IRAG1: variants seen among roughly 807,000 people sequenced by gnomAD.
The protein encoded by IRAG1 is inositol 1,4,5-triphosphate receptor associated 1, also known as IP3R-associated cGMP kinase substrate.
Under a neutral mutation model 106.2 loss-of-function variants are expected in IRAG1, and 62 were observed. The ratio of observed to expected loss-of-function variants is 0.58; its 90% confidence interval spans 0.48 to 0.72. IRAG1 has a LOEUF of 0.72. Among genes scored for constraint, IRAG1 ranks in the 30% least tolerant of loss-of-function variants. The pLI is 0.00. For synonymous variants in IRAG1, 462 were observed against 443.9 expected (o/e 1.04, Z -0.51); for missense variants, 1,064 against 1,140.7 (o/e 0.93, Z 0.97).
Position 10,691,639 on chromosome 11 carries a change from T to C in IRAG1, c.67+1897A>G, listed in dbSNP as rs558156752. Among the ~76,000 whole-genome samples the C allele has an allele frequency of 2.0e-5, 3 of 152,254 alleles. No homozygotes were observed. The East Asian group carries it at 5.8e-4, about 29-fold the overall frequency. ...TGGCTGGGTGAGCTTGGACGAGTCA[T>C]TTAACATCCCCTAGCCCCACTGTCC... On this transcript the variant is annotated intron_variant, in intron 1 of 20. Coordinates refer to ENST00000423302, the MANE Select transcript of IRAG1 (RefSeq NM_130385.4).
At chr11:10,684,170 C>A (rs188245889) in intron 1 of IRAG1, among the ~76,000 whole-genome samples, 41 of 152,114 alleles carry the variant, frequency 2.7e-4, no homozygotes, top group African/African-American at 9.2e-4. Flanking sequence ...ATGTTTATTG[C>A]GGCACTATTC....
intron 15 of IRAG1, 128 bp downstream of exon 15, chr11:10,600,790 G>C: frequency 7.9e-7 from 1 of 1,268,422 alleles, no homozygotes; most frequent in Non-Finnish European, 1.1e-6. Flanking sequence ...CCTGTGGGCA[G>C]CACTAGACAG....
chr11:10,645,675 G>A (rs1857883457), intron 2 of IRAG1, among the ~76,000 whole-genome samples: 1 of 152,210 alleles, frequency 6.6e-6, no homozygotes, highest in South Asian at 2.1e-4. Flanking sequence ...TATAGGGACT[G>A]AGCGCCTATT....
In IRAG1 at chr11:10,636,834, G is replaced by C. The variant is rs191131251; in HGVS notation, c.226-2763C>G. Reference sequence around the variant, plus strand: ...AGGAGCTTGCACGACAAAGATGTTAGAGGACAGGATTTGGCCAAAGGGAAT... The same window carrying C: ...AGGAGCTTGCACGACAAAGATGTTACAGGACAGGATTTGGCCAAAGGGAAT... On this transcript the variant is annotated intron_variant, in intron 2 of 20. Transcript: ENST00000423302. Among the ~76,000 whole-genome samples, 414 of 152,352 alleles carry C rather than the reference G, an allele frequency of 2.7e-3. 4 individuals carry two copies. The highest frequency in any genetic ancestry group is 2.2e-3 in the Non-Finnish European group (151 of 68,042).
chr11:10,642,827 G>A (rs1857617823), intron 2 of IRAG1, among the ~76,000 whole-genome samples: 1 of 152,176 alleles, frequency 6.6e-6, no homozygotes, highest in Non-Finnish European at 1.5e-5. Flanking sequence ...TGGTAGAGAG[G>A]AGATCCAGCA....
At chr11:10,646,094 A>G (rs2052692) in intron 2 of IRAG1, among the ~76,000 whole-genome samples, 112,038 of 152,068 alleles carry the variant, frequency 0.74, 41,892 homozygotes, top group East Asian at 0.98. Flanking sequence ...TATACCTTAC[A>G]TTTCTATGAG....
chr11:10,649,837 C>A (rs1397969920), intron 2 of IRAG1, among the ~76,000 whole-genome samples: 1 of 152,184 alleles, frequency 6.6e-6, no homozygotes, highest in East Asian at 1.9e-4. Flanking sequence ...CAAGTTCAGT[C>A]TCCCTGTGAC....
At chr11:10,641,656 C>T (rs1488259021) in intron 2 of IRAG1, among the ~76,000 whole-genome samples, 1 of 152,214 alleles carries the variant, frequency 6.6e-6, no homozygotes, top group Non-Finnish European at 1.5e-5. Flanking sequence ...CTCCCAGAAA[C>T]TCAGTGGGTA....
At position 10,659,456 on chromosome 11, in the gene IRAG1, G is replaced by A. The variant is rs1395445183; in HGVS notation, c.68-7274C>T. On this transcript the variant is annotated intron_variant, in intron 1 of 20. Transcript: ENST00000423302. This position sits in a 1 kb window ranked among gnomAD's most constrained non-coding sequence, Gnocchi z 4.1. ...TGGAAGTCACTTCCCCCAAGACTGTGTCCCCTAAACAAAGTCACGTTTCGG... is the reference window on the plus strand; with the variant it reads ...TGGAAGTCACTTCCCCCAAGACTGTATCCCCTAAACAAAGTCACGTTTCGG... 6.6e-6 allele frequency among the ~76,000 whole-genome samples: 1 copy of A among 152,172 alleles called. No individual in the cohort carries two copies. The highest frequency in any genetic ancestry group is 1.5e-5 in the Non-Finnish European group (1 of 68,014).
At chr11:10,671,224 A>C (rs1589954367) in intron 1 of IRAG1, among the ~76,000 whole-genome samples, 1 of 152,230 alleles carries the variant, frequency 6.6e-6, no homozygotes, top group Non-Finnish European at 1.5e-5. Flanking sequence ...ATATGATCTT[A>C]TATATGCAAA....
chr11:10,657,246 A>G lies in IRAG1; in HGVS notation c.68-5064T>C, dbSNP rs1450649988. On this transcript the variant is annotated intron_variant, in intron 1 of 20. Transcript: ENST00000423302. This position sits in a 1 kb window ranked among gnomAD's most constrained non-coding sequence, Gnocchi z 4.1. ...CATTAAAGTTAGACCCATGTTACAG[A>G]TGAGGAAACAGAGGCCCAGAGACTT... Among the ~76,000 whole-genome samples, 1 of 152,178 alleles carries G rather than the reference A, an allele frequency of 6.6e-6. No individual in the cohort carries two copies. The highest frequency in any genetic ancestry group is 1.9e-4 in the East Asian group (1 of 5,192).
chr11:10,586,301 ATCTGGAAGTT>A (rs1564891291), intron 18 of IRAG1, among the ~76,000 whole-genome samples: 1 of 151,910 alleles, frequency 6.6e-6, no homozygotes, highest in East Asian at 1.9e-4. Context: ...TTCTCTAACT[ATCTGGAAGTT>A]TCTCTCTAAG....
chr11:10,612,300 C>T (rs1171690306), intron 10 of IRAG1, among the ~76,000 whole-genome samples: 1 of 152,228 alleles, frequency 6.6e-6, no homozygotes, highest in African/African-American at 2.4e-5. Flanking sequence ...CTACTAACCA[C>T]CTCCAAAGGA....
chr11:10,680,066 G>A (rs1861024207), intron 1 of IRAG1, among the ~76,000 whole-genome samples: 1 of 151,880 alleles, frequency 6.6e-6, no homozygotes, highest in African/African-American at 2.4e-5. Context: ...CTGAGGTCAG[G>A]GGTTTGAGAC....
intron 1 of IRAG1, among the ~76,000 whole-genome samples, chr11:10,674,399 G>C (rs1863245): frequency 0.61 from 93,429 of 152,034 alleles, 29,279 homozygotes; most frequent in East Asian, 0.97. Context: ...GGGCACAAAT[G>C]GGGGTGACAC....
chr11:10,687,680 C>T, intron 1 of IRAG1: 3 of 1,286,684 alleles, frequency 2.3e-6, no homozygotes, highest in South Asian at 2.5e-5. Flanking sequence ...AGGAAGTCCA[C>T]CACTCTCCTT....
chr11:10,689,348 G>A (rs1012908949), intron 1 of IRAG1, among the ~76,000 whole-genome samples: 11 of 152,046 alleles, frequency 7.2e-5, no homozygotes, highest in African/African-American at 2.7e-4. Flanking sequence ...CTGGACAGTC[G>A]GTCAACCTAC....
intron 1 of IRAG1, among the ~76,000 whole-genome samples, chr11:10,683,368 A>AC (rs1179370752): frequency 1.3e-5 from 2 of 152,180 alleles, no homozygotes; most frequent in African/African-American, 4.8e-5. Flanking sequence ...TGCCAAAAAA[A>AC]AAAAAAAAGT....
Position 10,652,502 on chromosome 11 carries a change from G to T in IRAG1, c.68-320C>A, listed in dbSNP as rs1858606476. ...AAGATACTCCATTGAGATCACATTG[G>T]CAGTTGTTTACCACTTACTGAGCAC... is the stretch of plus-strand genomic sequence containing the variant. On this transcript the variant is annotated intron_variant, in intron 1 of 20. Coordinates refer to ENST00000423302, the MANE Select transcript of IRAG1 (RefSeq NM_130385.4). 1.6e-5 allele frequency: 7 copies of T among 437,046 alleles called. No individual in the cohort carries two copies. The South Asian group carries it at 2.4e-4, about 15-fold the overall frequency. The allele number at this position is 437,046 out of a possible 1,614,324, so 27.1% of individuals were successfully genotyped here. A position where few individuals can be genotyped will look rare whatever the true frequency, so the allele number is the denominator to read the frequency against.
Sources: gnomAD v4.1 joint callset for allele counts (sites outside exome capture counted in the v4.1 genomes callset) on GRCh38, gnomAD v4.1.1 for gene constraint, Gnocchi (gnomAD v3.1) non-coding constraint, MANE v1.5 for transcripts, NCBI Gene and HGNC (gene_info 2026-07-23, HGNC 2026-07-21) for gene names.